LAMA2: variants seen among roughly 807,000 people sequenced by gnomAD.
LAMA2 encodes laminin subunit alpha 2.
LAMA2 carries 269 observed loss-of-function variants against 364.8 expected under a neutral mutation model. The ratio of observed to expected loss-of-function variants is 0.74; its 90% CI spans 0.67 to 0.82. The LOEUF (loss-of-function observed/expected upper bound fraction) is 0.82. LAMA2 is among the 40% of genes least tolerant of loss of function. LAMA2 has a pLI of 0.00. For synonymous variants in LAMA2, 1,379 were observed against 1,370.6 expected (o/e 1.01, Z -0.14); for missense variants, 3,807 against 3,873.2 (o/e 0.98, Z 0.45).
chr6:129,194,449 G>T (rs1417295320), intron 12 of LAMA2, among the ~76,000 whole-genome samples: 31 of 152,022 alleles, frequency 2.0e-4, no homozygotes. Context: ...TCAGAACAAA[G>T]AATTTGGACA....
Position 129,401,279 on chromosome 6 carries a change from A to G in LAMA2, c.5501A>G (p.Glu1834Gly), listed in dbSNP as rs781638563. 1 of 1,613,264 alleles carries G rather than the reference A, an allele frequency of 6.2e-7. No homozygotes were observed. Among genetic ancestry groups the G allele is most frequent in the Non-Finnish European group, 8.5e-7 (1 of 1,179,236 alleles). ...CGACAAATTGAGAACACTTTAAAAG[A>G]GGGCAATGACATACTCGATGAAGCC... The part of the protein sequence containing the change: ...GKRQIENTLK[E>G]GNDILDEANR... Residue 1834 changes from glutamate to glycine, a missense_variant, in exon 38 of 65, where the codon GAG becomes GGG. Transcript: ENST00000421865.
At chr6:129,153,985 G>C (rs751041688) in intron 7 of LAMA2, among the ~76,000 whole-genome samples, 1 of 152,172 alleles carries the variant, frequency 6.6e-6, no homozygotes, top group Non-Finnish European at 1.5e-5. Context: ...AATTGCATAT[G>C]ATTGAGCTTA....
chr6:129,350,267 C>T (rs781708626), intron 31 of LAMA2, among the ~76,000 whole-genome samples: 7 of 152,320 alleles, frequency 4.6e-5, no homozygotes, highest in South Asian at 2.1e-4. Context: ...CCATAGACTT[C>T]GCTCAATTCC....
chr6:129,071,957 A>G (rs909034935), intron 3 of LAMA2, among the ~76,000 whole-genome samples: 1 of 152,086 alleles, frequency 6.6e-6, no homozygotes, highest in African/African-American at 2.4e-5. Flanking sequence ...GTGAAACCTC[A>G]TCTCTACCAA....
chr6:129,238,826 T>A (rs1055091165), intron 12 of LAMA2, among the ~76,000 whole-genome samples: 1 of 152,170 alleles, frequency 6.6e-6, no homozygotes, highest in African/African-American at 2.4e-5. Flanking sequence ...AATTCTAAAG[T>A]TCCATGAAAA....
chr6:129,040,049 G>A (rs6569575), intron 1 of LAMA2, among the ~76,000 whole-genome samples: 50,395 of 152,092 alleles, frequency 0.33, 9,758 homozygotes, highest in African/African-American at 0.54. Flanking sequence ...TGAATTTGAG[G>A]TAGAGACAAA....
chr6:128,998,487 C>T lies in LAMA2; in HGVS notation c.113-51431C>T, dbSNP rs1315801500. On this transcript the variant is annotated intron_variant, in intron 1 of 64. Transcript: ENST00000421865. ...ATTTCTGCATTTCCATCTGAGGTACCGGGTTCATCTCACTAGGGAGTGCCA... is the reference window on the plus strand; with the variant it reads ...ATTTCTGCATTTCCATCTGAGGTACTGGGTTCATCTCACTAGGGAGTGCCA... Among the ~76,000 whole-genome samples the T allele has an allele frequency of 8.9e-5, 7 of 79,048 alleles. 1 individual carries two copies. The highest frequency in any genetic ancestry group is 6.2e-4 in the Admixed American group (6 of 9,712). The allele number at this position is 79,048 out of a possible 152,430, so 51.9% of individuals were successfully genotyped here. A position where few individuals can be genotyped will look rare whatever the true frequency, so the allele number is the denominator to read the frequency against.
At chr6:129,167,550 C>G (rs1017075308) in intron 9 of LAMA2, among the ~76,000 whole-genome samples, 1 of 151,852 alleles carries the variant, frequency 6.6e-6, no homozygotes, top group African/African-American at 2.4e-5. Context: ...TTTTCTTAAT[C>G]CAGTCTATCA....
chr6:129,347,022 GT>G (rs1776592993), intron 30 of LAMA2, among the ~76,000 whole-genome samples: 1 of 152,286 alleles, frequency 6.6e-6, no homozygotes, highest in South Asian at 2.1e-4. Flanking sequence ...GGAGGCCAGG[GT>G]GGTTGGAACA....
chr6:129,462,449 A>G (rs1343418701), intron 49 of LAMA2, among the ~76,000 whole-genome samples: 3 of 151,866 alleles, frequency 2.0e-5, no homozygotes, highest in Non-Finnish European at 4.4e-5. Context: ...GTCATTGTGC[A>G]TTTTTGCCCC....
intron 17 of LAMA2, among the ~76,000 whole-genome samples, chr6:129,278,553 A>G (rs954089037): frequency 2.0e-5 from 3 of 152,154 alleles, no homozygotes; most frequent in East Asian, 1.9e-4. Flanking sequence ...TGCAATCACA[A>G]TCCCGTCAAG....
chr6:129,516,035 T>C (rs977351804), intron 64 of LAMA2, among the ~76,000 whole-genome samples, 155 bp from the exon 65 acceptor site: 2 of 152,104 alleles, frequency 1.3e-5, no homozygotes, highest in African/African-American at 2.4e-5. Context: ...TTTCTTTCTC[T>C]ACAATTCTAT....
intron 4 of LAMA2, 108 bp downstream of exon 4, chr6:129,098,523 AT>A: frequency 7.5e-7 from 1 of 1,331,234 alleles, no homozygotes. Flanking sequence ...TTAAAATAGG[AT>A]TTAGCAAAAG....
intron 1 of LAMA2, among the ~76,000 whole-genome samples, chr6:128,962,138 CCATATATA>C (rs1455279560): frequency 2.8e-5 from 1 of 35,290 alleles, no homozygotes; most frequent in South Asian, 1.3e-3. Flanking sequence ...ATCCTCTGGA[CCATATATA>C]TATATATATA....
chr6:129,415,822 C>T (rs1434229654), intron 40 of LAMA2, among the ~76,000 whole-genome samples: 1 of 151,840 alleles, frequency 6.6e-6, no homozygotes, highest in Non-Finnish European at 1.5e-5. Context: ...CTCCAGCCTG[C>T]GTGACAGAGC....
At chr6:129,170,045 TTCTC>T (rs1169916518) in intron 9 of LAMA2, among the ~76,000 whole-genome samples, 7 of 151,984 alleles carry the variant, frequency 4.6e-5, no homozygotes, top group African/African-American at 1.5e-4. Flanking sequence ...TATTAGATTC[TTCTC>T]TCTTTTTTTC....
At chr6:128,889,146 G>C (rs1776306781) in intron 1 of LAMA2, among the ~76,000 whole-genome samples, 1 of 152,216 alleles carries the variant, frequency 6.6e-6, no homozygotes. Context: ...AGTGTAGTTA[G>C]AAATATGACA....
At chr6:129,296,408 A>G (rs1015121851) in intron 20 of LAMA2, among the ~76,000 whole-genome samples, 4 of 152,024 alleles carry the variant, frequency 2.6e-5, no homozygotes, top group African/African-American at 7.2e-5. Flanking sequence ...CTTTAATCAT[A>G]TACCACAATC....
chr6:129,480,758 T>A (rs553995640), intron 54 of LAMA2, among the ~76,000 whole-genome samples: 35 of 152,312 alleles, frequency 2.3e-4, no homozygotes, highest in African/African-American at 8.2e-4. Context: ...TTTGTTTTAT[T>A]TATTTTTAAG....
Sources: allele counts gnomAD v4.1 joint callset (sites outside exome capture counted in the v4.1 genomes callset), GRCh38; gene constraint gnomAD v4.1.1; transcripts MANE v1.5; gene names NCBI Gene and HGNC (gene_info 2026-07-23, HGNC 2026-07-21).